INPP5A: variants seen among roughly 807,000 people sequenced by gnomAD.
The protein encoded by INPP5A is 43 kDa inositol polyphosphate 5-phophatase.
A neutral mutation model predicts 65.2 loss-of-function variants in INPP5A; 14 were observed. That is an observed-to-expected ratio of 0.21 (90% CI 0.14 to 0.34). The LOEUF is 0.34. Ranked by LOEUF, INPP5A falls within the 10% of genes least tolerant of loss-of-function variation. The pLI, the probability that INPP5A is intolerant of heterozygous loss-of-function variation, is 1.00. For synonymous variants in INPP5A, 207 were observed against 208.3 expected, an observed-to-expected ratio of 0.99 and a Z score of 0.05; for missense variants, 431 against 545.6, an observed-to-expected ratio of 0.79 and a Z score of 2.09.
chr10:132,768,943 G>A (rs1052451866), intron 12 of INPP5A, among the ~76,000 whole-genome samples: 6 of 152,368 alleles, frequency 3.9e-5, no homozygotes, highest in African/African-American at 1.4e-4. Context: ...TATCAGCATT[G>A]GTGGGCAGGA....
intron 11 of INPP5A, among the ~76,000 whole-genome samples, chr10:132,750,318 G>C (rs1264399463): frequency 3.9e-5 from 6 of 152,250 alleles, no homozygotes; most frequent in Admixed American, 3.9e-4. Flanking sequence ...GCACGTGAGT[G>C]CGTATCTGCC....
Position 132,627,212 on chromosome 10 carries a change from C to T in INPP5A, c.118-18656C>T, listed in dbSNP as rs185534818. 1.5e-4 allele frequency among the ~76,000 whole-genome samples: 23 copies of T among 152,318 alleles called. No homozygotes were observed. Among genetic ancestry groups the T allele is most frequent in the African/African-American group, 3.4e-4 (14 of 41,556 alleles). ...GACAGCTCCAGAACTGGGAGAAATA[C>T]GTGTCTCGTTTAGGCTCTCTGGTCT... On this transcript the variant is annotated intron_variant, in intron 2 of 15. Coordinates refer to ENST00000368594, the MANE Select transcript of INPP5A (RefSeq NM_005539.5). The surrounding 1 kb of genome is among the most constrained non-coding windows in gnomAD (Gnocchi z 6.6).
chr10:132,607,796 GT>G lies in INPP5A; in HGVS notation c.76-118del, dbSNP rs2071878837. The G allele has an allele frequency of 5.0e-6, 5 of 994,664 alleles. No individual in the cohort carries two copies. The South Asian group carries it at 6.8e-5, about 13-fold the overall frequency. 61.6% of individuals were successfully genotyped at this position (994,664 alleles called of 1,614,324 possible). ...TGCGGGTGGAGCTCCTCCATGCGGG[GT>G]GGGCCCGGGCTGCGCCTCTGCTCCT... On this transcript the variant is annotated intron_variant, in intron 1 of 15. Coordinates refer to ENST00000368594, the MANE Select transcript of INPP5A (RefSeq NM_005539.5).
At position 132,545,613 on chromosome 10, in the gene INPP5A, G is replaced by A. The variant is rs529331741; in HGVS notation, c.75+7442G>A. Among the ~76,000 whole-genome samples, 113 of 152,342 alleles carry A rather than the reference G, an allele frequency of 7.4e-4. 4 individuals are homozygous for A. The South Asian group carries it at 0.022, about 29-fold the overall frequency. ...TGGGGGCCTTAGGGGAAGAGGGTGC[G>A]GAACAGGCAGGCTGTTCCCATGCGG... On this transcript the variant is annotated intron_variant, in intron 1 of 15. Coordinates refer to ENST00000368594, the MANE Select transcript of INPP5A (RefSeq NM_005539.5). This position sits in a 1 kb window ranked among gnomAD's most constrained non-coding sequence, Gnocchi z 4.6.
chr10:132,732,031 A>C (rs1393174320), intron 9 of INPP5A, among the ~76,000 whole-genome samples: 3 of 152,218 alleles, frequency 2.0e-5, no homozygotes, highest in African/African-American at 4.8e-5. Context: ...AGGCAGTGGC[A>C]ATGCAGATTC....
intron 9 of INPP5A, among the ~76,000 whole-genome samples, chr10:132,733,730 G>A (rs1846126629): frequency 1.3e-5 from 2 of 152,180 alleles, no homozygotes; most frequent in South Asian, 4.2e-4. Context: ...GCCTCCCTCT[G>A]CGTGTGAACG....
At chr10:132,742,255 C>T (rs1846288054) in intron 9 of INPP5A, among the ~76,000 whole-genome samples, 1 of 152,236 alleles carries the variant, frequency 6.6e-6, no homozygotes, top group Non-Finnish European at 1.5e-5. Flanking sequence ...CCCAAGAACA[C>T]ACTCTGTGTT....
chr10:132,578,730 G>A (rs2071442485), intron 1 of INPP5A, among the ~76,000 whole-genome samples: 1 of 140,816 alleles, frequency 7.1e-6, no homozygotes, highest in South Asian at 2.4e-4. Flanking sequence ...TGGAGGCTGG[G>A]TCCAGGCTCC....
At chr10:132,629,076 C>T (rs1459499853) in intron 2 of INPP5A, among the ~76,000 whole-genome samples, 2 of 152,202 alleles carry the variant, frequency 1.3e-5, no homozygotes, top group Non-Finnish European at 2.9e-5. Context: ...AGTGCCCCTT[C>T]CTTGCTTACA....
intron 1 of INPP5A, among the ~76,000 whole-genome samples, chr10:132,586,060 G>C (rs1302387310): frequency 6.6e-6 from 1 of 152,214 alleles, no homozygotes; most frequent in East Asian, 1.9e-4. Flanking sequence ...GGGGCCAGTG[G>C]TCAGGTGATC....
intron 12 of INPP5A, among the ~76,000 whole-genome samples, chr10:132,775,773 C>T (rs1293644981): frequency 1.3e-5 from 2 of 152,176 alleles, no homozygotes; most frequent in African/African-American, 2.4e-5. Flanking sequence ...GCAGCAATGC[C>T]CATCAGACCC....
chr10:132,600,383 C>T (rs1057244523), intron 1 of INPP5A, among the ~76,000 whole-genome samples: 8 of 152,228 alleles, frequency 5.3e-5, no homozygotes, highest in Admixed American at 1.3e-4. Flanking sequence ...GGGTCACCTT[C>T]GCTCCAGTTC....
chr10:132,657,767 T>C (rs1369931635), intron 4 of INPP5A, among the ~76,000 whole-genome samples: 3 of 152,224 alleles, frequency 2.0e-5, no homozygotes, highest in Admixed American at 6.5e-5. Context: ...GGCAAACGCG[T>C]TTATGATGAG....
chr10:132,713,085 TG>T (rs568909131), intron 8 of INPP5A, among the ~76,000 whole-genome samples: 3 of 151,582 alleles, frequency 2.0e-5, no homozygotes, highest in African/African-American at 7.3e-5. Flanking sequence ...GCACGTGGGT[TG>T]GATATGTGTG....
intron 2 of INPP5A, among the ~76,000 whole-genome samples, chr10:132,614,728 C>T (rs2072006579): frequency 6.6e-6 from 1 of 152,368 alleles, no homozygotes; most frequent in South Asian, 2.1e-4. Flanking sequence ...AAGGTGGTGG[C>T]CTCAGGAGGC....
chr10:132,778,603 T>G (rs1218856917), intron 13 of INPP5A, among the ~76,000 whole-genome samples: 1 of 152,186 alleles, frequency 6.6e-6, no homozygotes, highest in African/African-American at 2.4e-5. Flanking sequence ...GCGTGGGAAC[T>G]GCAGCTGTGC....
intron 13 of INPP5A, 33 bp from the exon 14 acceptor site, chr10:132,780,816 C>G: frequency 6.2e-7 from 1 of 1,600,208 alleles, no homozygotes; most frequent in Non-Finnish European, 8.6e-7. Flanking sequence ...TGCCCCACCT[C>G]CCCACACTCA....
At chr10:132,640,813 A>C (rs1008547743) in intron 2 of INPP5A, among the ~76,000 whole-genome samples, 2 of 151,914 alleles carry the variant, frequency 1.3e-5, no homozygotes, top group Non-Finnish European at 2.9e-5. Context: ...CTTTGCCAGC[A>C]CTTATCTGTG....
intron 2 of INPP5A, among the ~76,000 whole-genome samples, chr10:132,628,096 G>T (rs948961987): frequency 6.6e-6 from 1 of 152,168 alleles, no homozygotes; most frequent in Non-Finnish European, 1.5e-5. Context: ...GAAATTAACC[G>T]CAAACCAGAT....
Sources: gnomAD v4.1 joint callset for allele counts (sites outside exome capture counted in the v4.1 genomes callset) on GRCh38, gnomAD v4.1.1 for gene constraint, Gnocchi (gnomAD v3.1) non-coding constraint, MANE v1.5 for transcripts, NCBI Gene and HGNC (gene_info 2026-07-23, HGNC 2026-07-21) for gene names.